ENOSF1: variants seen among roughly 807,000 people sequenced by gnomAD.
The protein encoded by ENOSF1 is mitochondrial enolase superfamily member 1.
Under a neutral mutation model 68.2 loss-of-function variants are expected in ENOSF1, and 73 were observed. The ratio of observed to expected loss-of-function variants is 1.07; its 90% CI spans 0.89 to 1.30. The LOEUF is 1.30. ENOSF1 is among the 50% of genes most tolerant of loss of function. The pLI, the probability that ENOSF1 is intolerant of heterozygous loss-of-function variation, is 0.00. For missense variants in ENOSF1, 589 were observed against 554.5 expected, an observed-to-expected ratio of 1.06 and a Z score of -0.62; for synonymous variants, 223 against 210.4, an observed-to-expected ratio of 1.06 and a Z score of -0.52.
chr18:677,473 C>T lies in ENOSF1; in HGVS notation c.1049-29G>A, dbSNP rs201062369. 2.9e-5 allele frequency: 47 copies of T among 1,595,270 alleles called. No individual in the cohort carries two copies. In the African/African-American group the frequency reaches 5.3e-4, roughly 18 times the overall value. ...AAAGGAAATCGTTTCTATTTAATAC[C>T]AAGAGTAGGGCAGGGAGAGGAAGGG... On this transcript the variant is annotated intron_variant, in intron 13 of 15. Transcript: ENST00000647584.
intron 9 of ENOSF1, chr18:686,290 G>A (rs187339288): frequency 2.2e-4 from 82 of 372,008 alleles, no homozygotes; most frequent in African/African-American, 5.1e-4. Flanking sequence ...CGTTTTTGCC[G>A]GGCCATGAAA....
At chr18:705,190 C>T (rs2078805390) in intron 2 of ENOSF1, among the ~76,000 whole-genome samples, 1 of 152,122 alleles carries the variant, frequency 6.6e-6, no homozygotes, top group Non-Finnish European at 1.5e-5. Flanking sequence ...GTGCAAATAT[C>T]CAAGGGAGAG....
Position 671,167 on chromosome 18 carries a change from G to C in ENOSF1, c.*3138C>G. On this transcript the variant is annotated 3_prime_UTR_variant, in exon 16 of 16. Transcript: ENST00000647584. The stretch of plus-strand genomic sequence containing the variant: ...CATGCCTGTAATCCCAGCACTTTGG[G>C]AGACTGAGACAGGAGCAATTGCTTG... The C allele has an allele frequency of 1.6e-6, 1 of 611,850 alleles. No individual in the cohort carries two copies. The highest frequency in any genetic ancestry group is 2.9e-6 in the Non-Finnish European group (1 of 349,476). 37.9% of individuals were successfully genotyped at this position (611,850 alleles called of 1,614,324 possible). A position where few individuals can be genotyped will look rare whatever the true frequency, so the allele number is the denominator to read the frequency against.
At chr18:693,769 C>A in intron 5 of ENOSF1, 113 bp downstream of exon 5, 1 of 1,548,858 alleles carries the variant, frequency 6.5e-7, no homozygotes, top group Non-Finnish European at 8.7e-7. Flanking sequence ...TTTATCATCG[C>A]TATAGTGATC....
At chr18:680,246 C>T (rs982628838) in intron 11 of ENOSF1, among the ~76,000 whole-genome samples, 7 of 152,240 alleles carry the variant, frequency 4.6e-5, no homozygotes, top group Non-Finnish European at 1.0e-4. Context: ...CCTCGGCCTC[C>T]TCATCTGCAG....
chr18:688,259 A>C, intron 9 of ENOSF1: 1 of 299,130 alleles, frequency 3.3e-6, no homozygotes, highest in Non-Finnish European at 6.3e-6. Flanking sequence ...CTGCCTCTGG[A>C]GATGTTCATG....
chr18:689,557 T>G (rs2076945826), intron 8 of ENOSF1, among the ~76,000 whole-genome samples: 2 of 152,176 alleles, frequency 1.3e-5, no homozygotes, highest in Admixed American at 1.3e-4. Context: ...GCTAGGATTA[T>G]AGGCGTGAGC....
intron 7 of ENOSF1, 172 bp downstream of exon 7, chr18:690,896 A>G: frequency 2.5e-6 from 3 of 1,209,510 alleles, no homozygotes; most frequent in East Asian, 2.5e-5. Context: ...CAAACTCTGC[A>G]GTCAGAGGTC....
downstream of ENOSF1, among the ~76,000 whole-genome samples, chr18:667,239 A>AGATGGT (rs1264608229): frequency 0.023 from 312 of 13,466 alleles, 66 homozygotes; most frequent in Non-Finnish European, 0.027. Context: ...ATGGAGATGG[A>AGATGGT]GATGGTGATG....
intron 4 of ENOSF1, 85 bp downstream of exon 4, chr18:694,163 G>A (rs899415309): frequency 7.3e-7 from 1 of 1,363,922 alleles, no homozygotes; most frequent in African/African-American, 1.4e-5. Context: ...GGGGGCTGCA[G>A]TGTGTCTGTC....
At chr18:681,350 C>A (rs969983329) in intron 11 of ENOSF1, among the ~76,000 whole-genome samples, 1 of 152,210 alleles carries the variant, frequency 6.6e-6, no homozygotes, top group African/African-American at 2.4e-5. Flanking sequence ...TCCTCAGATA[C>A]TCCTAAGGGG....
At chr18:703,410 T>C (rs1210760182) in intron 2 of ENOSF1, among the ~76,000 whole-genome samples, 1 of 152,006 alleles carries the variant, frequency 6.6e-6, no homozygotes, top group African/African-American at 2.4e-5. Context: ...GCTCGCTGAG[T>C]TTTATGCAAC....
intron 2 of ENOSF1, among the ~76,000 whole-genome samples, chr18:705,018 C>T (rs1280227216): frequency 1.3e-5 from 2 of 152,198 alleles, no homozygotes; most frequent in East Asian, 3.8e-4. Context: ...AGAGCAGTAA[C>T]AGCAGCCACC....
At chr18:706,155 C>A (rs763920405) in intron 2 of ENOSF1, among the ~76,000 whole-genome samples, 3 of 151,940 alleles carry the variant, frequency 2.0e-5, no homozygotes, top group Non-Finnish European at 2.9e-5. Flanking sequence ...TCGACAGTGG[C>A]CCCGGGTGAA....
At chr18:684,652 C>G (rs1205344790) in intron 10 of ENOSF1, among the ~76,000 whole-genome samples, 1 of 152,140 alleles carries the variant, frequency 6.6e-6, no homozygotes, top group African/African-American at 2.4e-5. Flanking sequence ...ATGGTGAGTT[C>G]AAGTCCAGTC....
At chr18:689,303 C>T (rs1055083148) in intron 8 of ENOSF1, among the ~76,000 whole-genome samples, 3 of 152,098 alleles carry the variant, frequency 2.0e-5, no homozygotes, top group Non-Finnish European at 2.9e-5. Flanking sequence ...TTTTTTGAGA[C>T]GGACTCTTGT....
At chr18:689,661 A>G (rs961052228) in intron 8 of ENOSF1, among the ~76,000 whole-genome samples, 2 of 152,160 alleles carry the variant, frequency 1.3e-5, no homozygotes, top group Non-Finnish European at 2.9e-5. Flanking sequence ...GTGACATAAG[A>G]AGGAATATAT....
chr18:690,914 G>T (rs1042981720), intron 7 of ENOSF1, 154 bp downstream of exon 7: 6 of 1,184,686 alleles, frequency 5.1e-6, no homozygotes, highest in Non-Finnish European at 7.1e-6. Flanking sequence ...GTCATACCCA[G>T]CAGGCTTCAC....
chr18:697,607 A>G (rs1041849660), intron 2 of ENOSF1, among the ~76,000 whole-genome samples: 3 of 151,926 alleles, frequency 2.0e-5, no homozygotes, highest in African/African-American at 7.2e-5. Context: ...AAAAATTAGC[A>G]GGGCACAGTG....
Sources: allele counts gnomAD v4.1 joint callset (sites outside exome capture counted in the v4.1 genomes callset), GRCh38; gene constraint gnomAD v4.1.1; transcripts MANE v1.5; gene names NCBI Gene and HGNC (gene_info 2026-07-23, HGNC 2026-07-21).